Variants in THSD4 observed in about 807,000 individuals in gnomAD.
The protein encoded by THSD4 is thrombospondin type-1 domain-containing protein 4.
In THSD4, 69 loss-of-function variants were observed where a neutral mutation model predicts 119.0. That is an observed-to-expected ratio of 0.58 (90% CI 0.48 to 0.71). THSD4 has a LOEUF of 0.71. Ranked by LOEUF, THSD4 falls within the 30% of genes least tolerant of loss-of-function variation. The pLI, the probability that THSD4 is intolerant of heterozygous loss-of-function variation, is 0.00. For missense variants in THSD4, 1,393 were observed against 1,391.1 expected (o/e 1.00, Z -0.02); for synonymous variants, 524 against 540.4 (o/e 0.97, Z 0.42).
chr15:71,433,653 T>C (rs2046969983), intron 7 of THSD4, among the ~76,000 whole-genome samples: 1 of 152,122 alleles, frequency 6.6e-6, no homozygotes, highest in Admixed American at 6.6e-5. Context: ...CTGTCTGTTC[T>C]GGATTCACAT....
chr15:71,591,336 T>C (rs1334765312), intron 7 of THSD4, among the ~76,000 whole-genome samples: 1 of 152,212 alleles, frequency 6.6e-6, no homozygotes, highest in African/African-American at 2.4e-5. Flanking sequence ...CTACCTTTGG[T>C]CTAAGCTCAA....
chr15:71,458,637 A>G (rs938154547), intron 7 of THSD4, among the ~76,000 whole-genome samples: 5 of 152,220 alleles, frequency 3.3e-5, no homozygotes, highest in Admixed American at 6.5e-5. Flanking sequence ...TAAGGTACCA[A>G]AAGTACTTCA....
intron 15 of THSD4, among the ~76,000 whole-genome samples, chr15:71,762,250 A>G (rs1228777516): frequency 1.3e-5 from 2 of 152,156 alleles, no homozygotes; most frequent in Non-Finnish European, 2.9e-5. Context: ...ATTTCTGAGC[A>G]TTTACAGTAA....
chr15:71,521,379 T>A (rs138464560), intron 7 of THSD4, among the ~76,000 whole-genome samples: 7 of 152,348 alleles, frequency 4.6e-5, no homozygotes, highest in Admixed American at 4.6e-4. Context: ...TGAAATAAGA[T>A]TCTTTAGGCA....
intron 6 of THSD4, among the ~76,000 whole-genome samples, chr15:71,256,935 G>A (rs1296111527): frequency 6.6e-6 from 1 of 152,204 alleles, no homozygotes; most frequent in Admixed American, 6.5e-5. Flanking sequence ...TCAGATGGAT[G>A]AGGCACTGAT....
intron 6 of THSD4, among the ~76,000 whole-genome samples, chr15:71,377,023 G>A (rs930696109): frequency 6.6e-6 from 1 of 152,160 alleles, no homozygotes; most frequent in Non-Finnish European, 1.5e-5. Flanking sequence ...AAAAGGAGGT[G>A]GCCACAGTTA....
At chr15:71,262,036 C>T (rs12594008) in intron 6 of THSD4, among the ~76,000 whole-genome samples, 54,861 of 151,982 alleles carry the variant, frequency 0.36, 10,700 homozygotes, top group East Asian at 0.68. Flanking sequence ...CAGGGCTTTA[C>T]GGCTGGATTT....
chr15:71,554,561 T>C (rs1220037670), intron 7 of THSD4, among the ~76,000 whole-genome samples: 1 of 152,170 alleles, frequency 6.6e-6, no homozygotes, highest in Non-Finnish European at 1.5e-5. Context: ...GCTAATTTTT[T>C]ACTTTTTGTA....
intron 11 of THSD4, among the ~76,000 whole-genome samples, chr15:71,741,502 C>A (rs1052745717): frequency 6.6e-6 from 1 of 151,992 alleles, no homozygotes; most frequent in Non-Finnish European, 1.5e-5. Flanking sequence ...CAAAACAAAA[C>A]AAAACAAAAC....
intron 1 of THSD4, among the ~76,000 whole-genome samples, chr15:71,121,593 A>G (rs1312296940): frequency 2.0e-5 from 3 of 151,844 alleles, no homozygotes; most frequent in Non-Finnish European, 4.4e-5. Flanking sequence ...CTTTGATGAC[A>G]TTACCCTGCC....
intron 7 of THSD4, among the ~76,000 whole-genome samples, chr15:71,525,687 C>T (rs561373828): frequency 1.6e-3 from 249 of 152,264 alleles, no homozygotes; most frequent in Middle Eastern, 3.4e-3. Context: ...GGAAACAGGA[C>T]GCAGATGAAG....
intron 7 of THSD4, among the ~76,000 whole-genome samples, chr15:71,607,781 G>A (rs900650254): frequency 6.6e-6 from 1 of 152,198 alleles, no homozygotes; most frequent in Non-Finnish European, 1.5e-5. Context: ...TTAAGGAAGT[G>A]CCTAGAATCT....
intron 7 of THSD4, among the ~76,000 whole-genome samples, chr15:71,498,086 G>T (rs4359391): frequency 0.98 from 149,152 of 152,326 alleles, 73,094 homozygotes; most frequent in Non-Finnish European, 1. Flanking sequence ...GATAGAAATC[G>T]AATACTCACT....
chr15:71,511,208 G>A (rs898337480), intron 7 of THSD4, among the ~76,000 whole-genome samples: 1 of 152,186 alleles, frequency 6.6e-6, no homozygotes, highest in Non-Finnish European at 1.5e-5. Context: ...TGTGGCCTGT[G>A]TGTGGAACTG....
chr15:71,738,571 G>A (rs574482585), intron 11 of THSD4, among the ~76,000 whole-genome samples: 89 of 152,304 alleles, frequency 5.8e-4, no homozygotes, highest in African/African-American at 1.9e-3. Context: ...AAAGGAAAAG[G>A]TGTGTTGGCA....
At chr15:71,375,755 C>T (rs2046127073) in intron 6 of THSD4, among the ~76,000 whole-genome samples, 1 of 152,144 alleles carries the variant, frequency 6.6e-6, no homozygotes, top group African/African-American at 2.4e-5. Flanking sequence ...ATCAGCATCA[C>T]CTGGGAACTT....
At chr15:71,153,302 C>T (rs1831128090) in intron 2 of THSD4, among the ~76,000 whole-genome samples, 1 of 152,192 alleles carries the variant, frequency 6.6e-6, no homozygotes, top group African/African-American at 2.4e-5. Flanking sequence ...CCTCCAGCCT[C>T]CTTGTGCATA....
chr15:71,587,001 C>G (rs973279840), intron 7 of THSD4, among the ~76,000 whole-genome samples: 3 of 152,180 alleles, frequency 2.0e-5, no homozygotes, highest in African/African-American at 7.2e-5. Flanking sequence ...ATCTCATTTT[C>G]TCTTTTAAAA....
At chr15:71,697,356 G>A (rs945437669) in intron 8 of THSD4, among the ~76,000 whole-genome samples, 3 of 152,202 alleles carry the variant, frequency 2.0e-5, no homozygotes, top group South Asian at 4.1e-4. Context: ...AGCCGGCTGG[G>A]GGTGGGACTT....
Sources: gnomAD v4.1 joint callset for allele counts (sites outside exome capture counted in the v4.1 genomes callset) on GRCh38, gnomAD v4.1.1 for gene constraint, MANE v1.5 for transcripts, NCBI Gene and HGNC (gene_info 2026-07-23, HGNC 2026-07-21) for gene names.